Variants in AGBL4 observed in about 807,000 individuals in gnomAD.
AGBL4 encodes the protein AGBL carboxypeptidase 4.
A neutral mutation model predicts 66.4 loss-of-function variants in AGBL4; 58 were observed. The observed-to-expected ratio is 0.87, with a 90% confidence interval of 0.71 to 1.09. The LOEUF is 1.09. Among genes scored for constraint, AGBL4 ranks in the 50% least tolerant of loss-of-function variants. The pLI is 0.00. For synonymous variants in AGBL4, 234 were observed against 222.9 expected, an observed-to-expected ratio of 1.05 and a Z score of -0.44; for missense variants, 579 against 631.0, an observed-to-expected ratio of 0.92 and a Z score of 0.88.
intron 6 of AGBL4, among the ~76,000 whole-genome samples, chr1:48,704,280 G>C (rs577996504): frequency 9.2e-5 from 14 of 152,320 alleles, no homozygotes; most frequent in Admixed American, 7.2e-4. Flanking sequence ...AACTGGCGGT[G>C]GTGAGCGAAT....
intron 5 of AGBL4, among the ~76,000 whole-genome samples, chr1:48,980,732 TATATATATATATATATATATATATATATA>T (rs1382170897): frequency 7.4e-4 from 9 of 12,224 alleles, no homozygotes; most frequent in African/African-American, 1.3e-3. Context: ...TATATATATA[TATATATATATATATATATATATATATATA>T]TATATATATA....
At chr1:49,468,494 A>C (rs1400333833) in intron 3 of AGBL4, among the ~76,000 whole-genome samples, 1 of 151,858 alleles carries the variant, frequency 6.6e-6, no homozygotes, top group Non-Finnish European at 1.5e-5. Context: ...AACATCTAAA[A>C]TCTTGAAAAT....
At chr1:49,350,823 G>C (rs1041379273) in intron 3 of AGBL4, among the ~76,000 whole-genome samples, 1 of 151,140 alleles carries the variant, frequency 6.6e-6, no homozygotes, top group East Asian at 2.0e-4. Flanking sequence ...TTCTCAATAG[G>C]ACCAGGACAG....
At chr1:49,923,647 G>T (rs981403231) in intron 1 of AGBL4, among the ~76,000 whole-genome samples, 1 of 151,840 alleles carries the variant, frequency 6.6e-6, no homozygotes, top group Non-Finnish European at 1.5e-5. Flanking sequence ...TTAAAAAGTG[G>T]GCAAGGGACA....
intron 5 of AGBL4, among the ~76,000 whole-genome samples, chr1:49,019,074 G>A (rs1663043957): frequency 6.6e-6 from 1 of 152,144 alleles, no homozygotes. Flanking sequence ...TTAACAGAAG[G>A]AGAATAGGAA....
chr1:49,640,952 T>C (rs1377881762), intron 3 of AGBL4, among the ~76,000 whole-genome samples: 2 of 152,132 alleles, frequency 1.3e-5, no homozygotes, highest in Non-Finnish European at 2.9e-5. Flanking sequence ...AGAACAATCC[T>C]TGCGATGGGA....
chr1:48,891,407 T>C (rs1557430550), intron 5 of AGBL4, among the ~76,000 whole-genome samples: 2 of 152,102 alleles, frequency 1.3e-5, no homozygotes, highest in Non-Finnish European at 2.9e-5. Context: ...TTCCAAAAAC[T>C]TTCACTAAGC....
intron 6 of AGBL4, among the ~76,000 whole-genome samples, chr1:48,781,159 T>C (rs1645281838): frequency 6.6e-6 from 1 of 152,212 alleles, no homozygotes; most frequent in Admixed American, 6.5e-5. Context: ...GCAGTTCCAT[T>C]TTCCGATAAC....
intron 5 of AGBL4, among the ~76,000 whole-genome samples, chr1:48,868,421 C>T (rs988419313): frequency 6.6e-6 from 1 of 152,156 alleles, no homozygotes; most frequent in African/African-American, 2.4e-5. Context: ...TTTTTTCATA[C>T]TCCTGGCAAT....
intron 4 of AGBL4, among the ~76,000 whole-genome samples, chr1:49,134,053 A>C (rs1178852687): frequency 6.6e-6 from 1 of 151,872 alleles, no homozygotes; most frequent in Non-Finnish European, 1.5e-5. Context: ...AGAAATTTTA[A>C]AGCTGGATGT....
rs1204057185 is a variant in AGBL4, at chr1:49,948,456, TATAGATAA to T, written c.34+75299_34+75306del. Among the ~76,000 whole-genome samples the T allele has an allele frequency of 7.3e-3, 396 of 54,200 alleles. 4 individuals carry two copies. The highest frequency in any genetic ancestry group is 0.046 in the East Asian group (14 of 304). The allele number at this position is 54,200 out of a possible 152,430, so 35.6% of individuals were successfully genotyped here. On this transcript the variant is annotated intron_variant, in intron 1 of 13. Transcript: ENST00000371839. ...ATATAAATATATATAAATATATAAA[TATAGATAA>T]ATATATAAATATATAAATATAAATA...
intron 6 of AGBL4, among the ~76,000 whole-genome samples, chr1:48,855,522 A>T (rs1487657619): frequency 6.6e-6 from 1 of 152,022 alleles, no homozygotes; most frequent in African/African-American, 2.4e-5. Flanking sequence ...TTTTTGGGGG[A>T]TGGAGGTGGG....
intron 1 of AGBL4, among the ~76,000 whole-genome samples, chr1:50,002,605 G>A (rs1000968480): frequency 3.3e-5 from 5 of 151,686 alleles, no homozygotes; most frequent in Non-Finnish European, 5.9e-5. Context: ...TCCTGACCTC[G>A]TGATCCGCCC....
At chr1:48,610,903 A>G (rs544496222) in intron 9 of AGBL4, among the ~76,000 whole-genome samples, 1 of 152,298 alleles carries the variant, frequency 6.6e-6, no homozygotes, top group East Asian at 1.9e-4. Flanking sequence ...ATCAAATACA[A>G]CTGAACAGCA....
intron 3 of AGBL4, among the ~76,000 whole-genome samples, chr1:49,596,190 A>T (rs1233883398): frequency 2.6e-5 from 4 of 152,192 alleles, no homozygotes; most frequent in African/African-American, 7.2e-5. Context: ...TGTTTGAGAC[A>T]GACTGTCACT....
At chr1:48,608,962 G>A (rs72679401) in intron 9 of AGBL4, among the ~76,000 whole-genome samples, 21,713 of 152,168 alleles carry the variant, frequency 0.14, 1,652 homozygotes, top group South Asian at 0.19. Context: ...TGAGGTTGGC[G>A]TTATGATCCT....
chr1:49,327,712 A>G (rs1645253888), intron 3 of AGBL4, among the ~76,000 whole-genome samples: 1 of 152,260 alleles, frequency 6.6e-6, no homozygotes, highest in African/African-American at 2.4e-5. Context: ...TCATGACTTA[A>G]TCACCTCCTA....
intron 5 of AGBL4, among the ~76,000 whole-genome samples, chr1:48,915,702 G>A (rs1259048651): frequency 2.6e-5 from 4 of 151,988 alleles, no homozygotes; most frequent in African/African-American, 9.7e-5. Flanking sequence ...CTGGGAGTGG[G>A]GTCTAGCTCT....
rs1571149082 is a variant in AGBL4, at chr1:49,601,923, G to C, written c.282+95390C>G. On this transcript the variant is annotated intron_variant, in intron 3 of 13. Coordinates refer to ENST00000371839, the MANE Select transcript of AGBL4 (RefSeq NM_032785.4). ...CACTGGAGTGAACAGGCAACCTACAGAATGGAAGAAAAATCTTGCAATCTA... is the reference window on the plus strand; with the variant it reads ...CACTGGAGTGAACAGGCAACCTACACAATGGAAGAAAAATCTTGCAATCTA... Among the ~76,000 whole-genome samples the C allele has an allele frequency of 2.0e-5, 3 of 152,090 alleles. No individual in the cohort carries two copies. In the South Asian group the frequency reaches 6.2e-4, roughly 32 times the overall value.
Sources: allele counts gnomAD v4.1 joint callset (sites outside exome capture counted in the v4.1 genomes callset), GRCh38; gene constraint gnomAD v4.1.1; transcripts MANE v1.5; gene names NCBI Gene and HGNC (gene_info 2026-07-23, HGNC 2026-07-21).